FER: variants seen among roughly 807,000 people sequenced by gnomAD.
The protein encoded by FER is FER tyrosine kinase.
A neutral mutation model predicts 111.0 loss-of-function variants in FER; 63 were observed. The observed-to-expected ratio is 0.57, with a 90% CI of 0.46 to 0.70. FER has a LOEUF of 0.70. FER is among the 30% of genes least tolerant of loss of function. The pLI, the probability that FER is intolerant of heterozygous loss-of-function variation, is 0.00. For synonymous variants in FER, 327 were observed against 313.9 expected, an observed-to-expected ratio of 1.04 and a Z score of -0.44; for missense variants, 914 against 954.0, an observed-to-expected ratio of 0.96 and a Z score of 0.55.
At chr5:108,957,742 T>C (rs1287272525) in intron 12 of FER, among the ~76,000 whole-genome samples, 2 of 151,480 alleles carry the variant, frequency 1.3e-5, no homozygotes, top group Non-Finnish European at 3.0e-5. Context: ...GATTTGACAA[T>C]TGAATGTGTG....
At chr5:108,826,140 A>T (rs1206231372) in intron 3 of FER, among the ~76,000 whole-genome samples, 1 of 152,138 alleles carries the variant, frequency 6.6e-6, no homozygotes, top group East Asian at 1.9e-4. Flanking sequence ...TCATGAAAGG[A>T]TGTTGAATTT....
intron 17 of FER, among the ~76,000 whole-genome samples, chr5:109,108,494 C>T (rs1452714859): frequency 6.6e-6 from 1 of 152,060 alleles, no homozygotes; most frequent in African/African-American, 2.4e-5. Context: ...TCTGTATTTT[C>T]CTGGGATGAT....
intron 10 of FER, among the ~76,000 whole-genome samples, chr5:108,945,366 C>G (rs764689749): frequency 1.3e-5 from 2 of 151,880 alleles, no homozygotes; most frequent in Admixed American, 6.6e-5. Flanking sequence ...TCCTTTTTCC[C>G]TCTTTTTTTC....
Position 108,855,483 on chromosome 5 carries a change from C to T in FER, c.482-12284C>T, listed in dbSNP as rs540026824. 4.3e-4 allele frequency among the ~76,000 whole-genome samples: 65 copies of T among 149,518 alleles called. 1 individual carries two copies. The highest frequency in any genetic ancestry group is 1.5e-3 in the African/African-American group (62 of 40,680). ...AAAAATACAAAAAATTAGCCGGGCGCGGTGGTGGGCGCCTGTAGTCCCAGC... is the reference window on the plus strand; with the variant it reads ...AAAAATACAAAAAATTAGCCGGGCGTGGTGGTGGGCGCCTGTAGTCCCAGC... On this transcript the variant is annotated intron_variant, in intron 5 of 19. Coordinates refer to ENST00000281092, the MANE Select transcript of FER (RefSeq NM_005246.4).
At chr5:109,005,010 C>A (rs757468617) in intron 13 of FER, among the ~76,000 whole-genome samples, 2 of 151,894 alleles carry the variant, frequency 1.3e-5, no homozygotes, top group African/African-American at 4.8e-5. Flanking sequence ...TGGCTGATTT[C>A]TCGGAAACTA....
intron 5 of FER, among the ~76,000 whole-genome samples, chr5:108,858,478 T>G (rs2150207524): frequency 6.6e-6 from 1 of 152,322 alleles, no homozygotes; most frequent in South Asian, 2.1e-4. Context: ...TTTAGTGTGG[T>G]TAGTGTTATT....
intron 16 of FER, among the ~76,000 whole-genome samples, chr5:109,055,615 T>C (rs975504397): frequency 6.6e-6 from 1 of 151,282 alleles, no homozygotes; most frequent in African/African-American, 2.4e-5. Flanking sequence ...TGAGATCCTG[T>C]CTCTATGACT....
At position 109,195,295 on chromosome 5, in the gene FER, A is replaced by G. The variant is rs915427468; in HGVS notation, c.*7720A>G. The G allele has an allele frequency of 6.6e-6, 1 of 152,156 alleles. No individual in the cohort carries two copies. Among genetic ancestry groups the G allele is most frequent in the African/African-American group, 2.4e-5 (1 of 41,442 alleles). 9.4% of individuals were successfully genotyped at this position (152,156 alleles called of 1,614,324 possible). On this transcript the variant is annotated 3_prime_UTR_variant, in exon 20 of 20. Transcript: ENST00000281092. ...ATGGAGGTCTATCCCATGCCATGCC[A>G]ATGTGAATTGCTTTGCTTCAGTAAC...
chr5:109,014,579 C>T (rs1334091073), intron 13 of FER, among the ~76,000 whole-genome samples: 1 of 152,000 alleles, frequency 6.6e-6, no homozygotes, highest in Non-Finnish European at 1.5e-5. Flanking sequence ...TTTTTTGGTT[C>T]CATATGAACT....
intron 16 of FER, among the ~76,000 whole-genome samples, chr5:109,050,660 AT>A (rs372627185): frequency 3.3e-5 from 5 of 152,346 alleles, no homozygotes; most frequent in African/African-American, 1.2e-4. Context: ...GATGGAAAAA[AT>A]ATATGTATAA....
chr5:109,185,965 G>T (rs1758812877), intron 18 of FER, among the ~76,000 whole-genome samples: 1 of 152,068 alleles, frequency 6.6e-6, no homozygotes, highest in South Asian at 2.1e-4. Flanking sequence ...AAGTTTTTGT[G>T]TATCTAGACA....
At chr5:108,956,710 G>T (rs976852063) in intron 12 of FER, among the ~76,000 whole-genome samples, 14 of 151,532 alleles carry the variant, frequency 9.2e-5, no homozygotes, top group African/African-American at 3.4e-4. Flanking sequence ...TTTTATTCTA[G>T]TGAGTTTTTG....
At chr5:108,993,598 C>A (rs938946725) in intron 13 of FER, among the ~76,000 whole-genome samples, 1,078 of 94,202 alleles carry the variant, frequency 0.011, 7 homozygotes, top group African/African-American at 0.049. Flanking sequence ...AGGGAGAGGG[C>A]GAGGGCGAGG....
At chr5:109,153,651 G>C (rs544538491) in intron 17 of FER, among the ~76,000 whole-genome samples, 10 of 151,810 alleles carry the variant, frequency 6.6e-5, no homozygotes, top group African/African-American at 2.4e-4. Flanking sequence ...CTTTCTATTT[G>C]CCAGGATCTA....
chr5:109,089,809 C>A (rs578046335), intron 16 of FER, among the ~76,000 whole-genome samples: 1 of 152,284 alleles, frequency 6.6e-6, no homozygotes, highest in Admixed American at 6.5e-5. Context: ...TTTCAGAGAT[C>A]TCCCCAGAGA....
intron 10 of FER, among the ~76,000 whole-genome samples, chr5:108,918,348 A>G (rs1752532057): frequency 6.6e-6 from 1 of 152,232 alleles, no homozygotes; most frequent in Non-Finnish European, 1.5e-5. Flanking sequence ...TGCAGAATCT[A>G]GAATCCATCA....
At chr5:109,016,630 T>C (rs1432667304) in intron 13 of FER, among the ~76,000 whole-genome samples, 2 of 152,058 alleles carry the variant, frequency 1.3e-5, no homozygotes, top group African/African-American at 4.8e-5. Flanking sequence ...TGTAGGTCGC[T>C]TGTCAAACAA....
intron 13 of FER, among the ~76,000 whole-genome samples, chr5:108,997,374 G>A (rs996188567): frequency 6.8e-6 from 1 of 147,622 alleles, no homozygotes; most frequent in Non-Finnish European, 1.5e-5. Flanking sequence ...GCGAGAGCAT[G>A]CCACTGCACT....
chr5:108,991,358 A>T (rs571497361), intron 13 of FER, among the ~76,000 whole-genome samples: 1 of 152,146 alleles, frequency 6.6e-6, no homozygotes, highest in African/African-American at 2.4e-5. Context: ...TTATAATCTT[A>T]AGTGATTATA....
Sources: allele counts gnomAD v4.1 joint callset (sites outside exome capture counted in the v4.1 genomes callset), GRCh38; gene constraint gnomAD v4.1.1; transcripts MANE v1.5; gene names NCBI Gene and HGNC (gene_info 2026-07-23, HGNC 2026-07-21).